The following MYOM3 variants were observed in gnomAD, a reference collection of about 807,000 sequenced individuals.
The protein encoded by MYOM3 is myomesin-3.
A neutral mutation model predicts 191.7 loss-of-function variants in MYOM3; 155 were observed. The ratio of observed to expected loss-of-function variants is 0.81; its 90% CI spans 0.71 to 0.92. The LOEUF (loss-of-function observed/expected upper bound fraction) is 0.92, where lower values mean the gene tolerates loss of function less well. MYOM3 is among the 40% of genes least tolerant of loss of function. The pLI is 0.00. For missense variants in MYOM3, 1,889 were observed against 1,890.6 expected, an observed-to-expected ratio of 1.00 and a Z score of 0.02; for synonymous variants, 757 against 762.9, an observed-to-expected ratio of 0.99 and a Z score of 0.13.
intron 6 of MYOM3, among the ~76,000 whole-genome samples, chr1:24,099,147 CCT>C (rs1333655908): frequency 6.6e-6 from 1 of 152,128 alleles, no homozygotes; most frequent in Admixed American, 6.6e-5. Flanking sequence ...ATGCATCCTG[CCT>C]CTTCCCTCAA....
rs527935454 is a variant in MYOM3 at position 24,081,438 on chromosome 1, C to T, written c.2299G>A (p.Gly767Ser). ...RVCKVSDLHE[G>S]HFYEFRARAA... ...CGGGCACGGAACTCATAGAAGTGGC[C>T]TTCATGAAGGTCACTGACCTTTAAG... Residue 767 changes from glycine (G) to serine (S), a missense_variant, in exon 19 of 37, where the codon GGC becomes AGC. By Grantham distance (56) the Gly-to-Ser change is moderately conservative. Transcript: ENST00000374434. 1.9e-5 allele frequency: 31 copies of T among 1,614,086 alleles called. No individual in the cohort carries two copies. The African/African-American group carries it at 3.7e-4, about 19-fold the overall frequency.
chr1:24,090,945 C>T lies in MYOM3; in HGVS notation c.1284G>A (p.Gly428=). Residue 428 remains glycine, a synonymous_variant, in exon 12 of 37, where the codon GGG becomes GGA. Transcript: ENST00000374434. ...EWIACHEAPG[G]TCRCPIQGLV... ...GGCCTTGGATTGGGCACCGACAAGTCCCTCCGGGGGCCTCATGGCAGGCGA... is the reference window on the plus strand; with the variant it reads ...GGCCTTGGATTGGGCACCGACAAGTTCCTCCGGGGGCCTCATGGCAGGCGA... 6.2e-7 allele frequency: 1 copy of T among 1,614,112 alleles called. No homozygotes were observed. Among genetic ancestry groups the T allele is most frequent in the South Asian group, 1.1e-5 (1 of 91,074 alleles).
In MYOM3 at chr1:24,087,397, G is replaced by A. The variant is rs376671506; in HGVS notation, c.1615-570C>T. 1.3e-5 allele frequency among the ~76,000 whole-genome samples: 2 copies of A among 152,112 alleles called. No homozygotes were observed. Among genetic ancestry groups the A allele is most frequent in the East Asian group, 1.9e-4 (1 of 5,158 alleles). Reference sequence around the variant, plus strand: ...ATAGCACGTGTCAGACCAGGTCCCTGTCTGCCCAGAACCCTCCCACGTCCC... The same window carrying A: ...ATAGCACGTGTCAGACCAGGTCCCTATCTGCCCAGAACCCTCCCACGTCCC... On this transcript the variant is annotated intron_variant, in intron 14 of 36. Coordinates refer to ENST00000374434, the MANE Select transcript of MYOM3 (RefSeq NM_152372.4). The surrounding 1 kb of genome is among the most constrained non-coding windows in gnomAD (Gnocchi z 4.5).
chr1:24,071,975 T>A lies in MYOM3; in HGVS notation c.3007A>T (p.Asn1003Tyr), dbSNP rs1464147370. The change falls in exon 24 of 37, where the codon AAC (asparagine) becomes TAC (tyrosine). Residue 1003 changes from asparagine (N) to tyrosine (Y), a missense_variant. Asn to Tyr is a moderately radical substitution (Grantham distance 143). Transcript: ENST00000374434. The part of the protein sequence containing the change: ...KLKKLSHEIR[N>Y]PVIKLISGWN... ...GCTTGGACTGCTTGCTTACCTGGGT[T>A]TCTGATCTCATGACTCAGCTTCTTC... 6 of 1,614,092 alleles carry A rather than the reference T, an allele frequency of 3.7e-6. No homozygotes were observed. The highest frequency in any genetic ancestry group is 2.2e-5 in the South Asian group (2 of 91,080).
intron 18 of MYOM3, chr1:24,081,786 T>A (rs2148551167): frequency 1.7e-6 from 1 of 602,308 alleles, no homozygotes; most frequent in Admixed American, 3.1e-5. Context: ...GGTCTCAAAC[T>A]CCCAAACTCC....
At chr1:24,075,278 G>A (rs1325625408) in intron 22 of MYOM3, 41 bp downstream of exon 22, 1 of 1,604,484 alleles carries the variant, frequency 6.2e-7, no homozygotes, top group East Asian at 2.2e-5. Context: ...GACAGTATTT[G>A]GGTCCCGTTG....
chr1:24,074,156 T>C lies in MYOM3; in HGVS notation c.2968+4A>G. On this transcript the variant is annotated splice_donor_region_variant and intron_variant, in intron 23 of 36. Transcript: ENST00000374434. ...GGTGGCAGGGAGCGGGGTAGGTGCA[T>C]TACCTTCCTCGGTTAGCGTGTGGCT... 6.2e-7 allele frequency: 1 copy of C among 1,609,770 alleles called. No homozygotes were observed.
At chr1:24,065,116 C>T (rs1643418008) in intron 29 of MYOM3, among the ~76,000 whole-genome samples, 1 of 152,212 alleles carries the variant, frequency 6.6e-6, no homozygotes, top group Non-Finnish European at 1.5e-5. Context: ...TATAATAAAA[C>T]TCTGTAACTT....
chr1:24,078,229 C>T (rs1305362668), intron 20 of MYOM3, among the ~76,000 whole-genome samples: 1 of 151,966 alleles, frequency 6.6e-6, no homozygotes. Context: ...ATTCTCCTGC[C>T]TCAGCCTTCT....
At position 24,057,523 on chromosome 1, in the gene MYOM3, C is replaced by T; in HGVS notation, c.4155G>A (p.Val1385=). ...VTFLDRYRME[V]RGTEVTITIE... ...TGGTGATGGTGACCTCTGTCCCCCT[C>T]ACTTCCATGCGGTATCGGTCAAGGA... The change falls in exon 37 of 37, where the codon GTG becomes GTA. Residue 1385 remains valine (V), a synonymous_variant. Coordinates refer to ENST00000374434, the MANE Select transcript of MYOM3 (RefSeq NM_152372.4). 6.2e-7 allele frequency: 1 copy of T among 1,614,206 alleles called. No homozygotes were observed. The highest frequency in any genetic ancestry group is 8.5e-7 in the Non-Finnish European group (1 of 1,180,034).
At position 24,111,473 on chromosome 1, in the gene MYOM3, G is replaced by T. The variant is rs144151597; in HGVS notation, c.-19+558C>A. Among the ~76,000 whole-genome samples the T allele has an allele frequency of 6.6e-6, 1 of 152,162 alleles. No homozygotes were observed. Among genetic ancestry groups the T allele is most frequent in the Non-Finnish European group, 1.5e-5 (1 of 68,022 alleles). On this transcript the variant is annotated intron_variant, in intron 1 of 36. Transcript: ENST00000374434. The surrounding 1 kb of genome is among the most constrained non-coding windows in gnomAD (Gnocchi z 4.7). ...TTAGCCAGTGGCTCCACCAGCTTCC[G>T]CGAGGCCGAATCCTGCCCTTGCCAG...
chr1:24,072,198 G>A lies in MYOM3; in HGVS notation c.2969-185C>T, dbSNP rs139461189. On this transcript the variant is annotated intron_variant, in intron 23 of 36. Transcript: ENST00000374434. Reference sequence around the variant, plus strand: ...GAGTACTGTGAGCCTTTGCCCTGGGGCACTGAGGGTGATGCCGGGGCTGCT... The same window carrying A: ...GAGTACTGTGAGCCTTTGCCCTGGGACACTGAGGGTGATGCCGGGGCTGCT... 1.1e-3 allele frequency among the ~76,000 whole-genome samples: 173 copies of A among 152,314 alleles called. 1 individual carries two copies. The highest frequency in any genetic ancestry group is 4.0e-3 in the African/African-American group (166 of 41,570).
chr1:24,106,226 C>T (rs1172603221), intron 4 of MYOM3, 149 bp from the exon 5 acceptor site: 3 of 923,758 alleles, frequency 3.2e-6, no homozygotes, highest in East Asian at 2.7e-5. Context: ...AGCAGGGTGG[C>T]ACTGTGGGCA....
chr1:24,058,678 G>C (rs370249631), intron 36 of MYOM3, among the ~76,000 whole-genome samples: 2 of 152,172 alleles, frequency 1.3e-5, no homozygotes, highest in African/African-American at 4.8e-5. Context: ...GCTGAAGTCC[G>C]CAGGTAGAAG....
chr1:24,078,498 T>G (rs12719820), intron 20 of MYOM3, among the ~76,000 whole-genome samples: 1 of 151,938 alleles, frequency 6.6e-6, no homozygotes, highest in Non-Finnish European at 1.5e-5. Flanking sequence ...TAGTATCTTA[T>G]TCTTTGCCAT....
intron 23 of MYOM3, among the ~76,000 whole-genome samples, chr1:24,073,058 C>T (rs1026536794): frequency 1.2e-4 from 18 of 152,276 alleles, no homozygotes; most frequent in Middle Eastern, 3.4e-3. Flanking sequence ...CCATCATTTT[C>T]GTGGATGGCT....
Position 24,084,463 on chromosome 1 carries a change from C to T in MYOM3, c.1970+5G>A, listed in dbSNP as rs776074271. On this transcript the variant is annotated splice_donor_5th_base_variant and intron_variant, in intron 16 of 36. Transcript: ENST00000374434. Reference sequence around the variant, plus strand: ...GAACAGACTGATACGGGTGGGCAGACGTACCTGGTGCCTTGGATGGGTTTG... The same window carrying T: ...GAACAGACTGATACGGGTGGGCAGATGTACCTGGTGCCTTGGATGGGTTTG... 2.5e-5 allele frequency: 40 copies of T among 1,613,948 alleles called. No homozygotes were observed. Among genetic ancestry groups the T allele is most frequent in the East Asian group, 8.9e-5 (4 of 44,888 alleles).
intron 12 of MYOM3, 68 bp from the exon 13 acceptor site, chr1:24,090,186 AC>A (rs1299463199): frequency 7.7e-7 from 1 of 1,304,280 alleles, no homozygotes; most frequent in East Asian, 2.3e-5. Flanking sequence ...GAGCTACCCC[AC>A]ACCAGGGTCT....
rs201475405 is a variant in MYOM3, at chr1:24,099,764, T to C, written c.572A>G (p.Asp191Gly). 14 of 1,613,818 alleles carry C rather than the reference T, an allele frequency of 8.7e-6. No individual in the cohort carries two copies. Among genetic ancestry groups the C allele is most frequent in the Middle Eastern group, 3.3e-4 (2 of 6,084 alleles). ...PPPQVTWYKN[D>G]TRIDPRLFRA... ...AAAGAGGCGGGGATCAATCCGTGTG[T>C]CATTTTTGTACCTGTGGGGACATAG... Residue 191 changes from aspartate (D) to glycine (G), a missense_variant, in exon 6 of 37, where the codon GAC becomes GGC. Asp to Gly is a moderately conservative substitution (Grantham distance 94, BLOSUM62 -1). Transcript: ENST00000374434.
Sources: gnomAD v4.1 joint callset for allele counts (sites outside exome capture counted in the v4.1 genomes callset) on GRCh38, gnomAD v4.1.1 for gene constraint, Gnocchi (gnomAD v3.1) non-coding constraint, MANE v1.5 for transcripts, NCBI Gene and HGNC (gene_info 2026-07-23, HGNC 2026-07-21) for gene names.